Variants in A2ML1 observed in about 807,000 individuals in gnomAD.
The protein encoded by A2ML1 is alpha-2-macroglobulin like 1.
A2ML1 carries 161 observed loss-of-function variants against 181.9 expected under a neutral mutation model. The ratio of observed to expected loss-of-function variants is 0.89; its 90% CI spans 0.78 to 1.01. A2ML1 has a LOEUF of 1.01. Among genes scored for constraint, A2ML1 ranks in the 50% least tolerant of loss-of-function variants. The pLI is 0.00. For synonymous variants in A2ML1, 663 were observed against 666.8 expected (o/e 0.99, Z 0.09); for missense variants, 1,670 against 1,768.1 (o/e 0.94, Z 1.00).
chr12:8,829,651 T>C, intron 3 of A2ML1, 76 bp from the exon 4 acceptor site: 1 of 1,173,054 alleles, frequency 8.5e-7, no homozygotes, highest in South Asian at 1.3e-5. Context: ...TGAGACCCTG[T>C]ATCAAAAAAA....
chr12:8,845,391 G>T lies in A2ML1; in HGVS notation c.1477-51G>T, dbSNP rs766967806. The T allele has an allele frequency of 1.9e-6, 3 of 1,597,570 alleles. No individual in the cohort carries two copies. The African/African-American group carries it at 4.0e-5, about 21-fold the overall frequency. ...GAGATGCTCTGGAAGTTGGTCCAAGGTGAAATTACTGTAACTTCTGTGCAG... is the reference window on the plus strand; with the variant it reads ...GAGATGCTCTGGAAGTTGGTCCAAGTTGAAATTACTGTAACTTCTGTGCAG... On this transcript the variant is annotated intron_variant, in intron 12 of 35. Transcript: ENST00000299698.
chr12:8,859,603 T>TA (rs1168343328), intron 26 of A2ML1, among the ~76,000 whole-genome samples: 15 of 152,218 alleles, frequency 9.9e-5, no homozygotes, highest in African/African-American at 3.6e-4. Context: ...ACAAGAGTCT[T>TA]ACTCTGTTGT....
intron 3 of A2ML1, among the ~76,000 whole-genome samples, chr12:8,827,196 C>G (rs1048871408): frequency 6.6e-6 from 1 of 152,076 alleles, no homozygotes; most frequent in Admixed American, 6.6e-5. Context: ...CCAAATTAGC[C>G]AAGCAAGGTG....
intron 7 of A2ML1, among the ~76,000 whole-genome samples, chr12:8,881,973 T>C (rs946291983): frequency 7.8e-4 from 118 of 151,020 alleles, no homozygotes; most frequent in African/African-American, 2.8e-3. Flanking sequence ...ATTGCGCCAC[T>C]GCACTCCAGC....
intron 18 of A2ML1, 87 bp from the exon 19 acceptor site, chr12:8,851,697 C>A: frequency 7.8e-7 from 1 of 1,275,116 alleles, no homozygotes; most frequent in Non-Finnish European, 1.1e-6. Context: ...TAAGCCAGCA[C>A]ACCCCACCGA....
intron 10 of A2ML1, among the ~76,000 whole-genome samples, chr12:8,839,897 G>T (rs752050848): frequency 1.0e-3 from 157 of 152,104 alleles, no homozygotes; most frequent in South Asian, 2.3e-3. Flanking sequence ...ACAGACATGT[G>T]TCCCCATGCC....
At chr12:8,868,659 G>T in intron 32 of A2ML1, 32 bp downstream of exon 32, 1 of 1,594,880 alleles carries the variant, frequency 6.3e-7, no homozygotes, top group Non-Finnish European at 8.6e-7. Context: ...CATTTATCTA[G>T]CTGTGAGGGG....
Position 8,854,225 on chromosome 12 carries a change from G to T in A2ML1, c.2688G>T (p.Thr896=). 3.1e-6 allele frequency: 5 copies of T among 1,607,570 alleles called. No individual in the cohort carries two copies. Among genetic ancestry groups the T allele is most frequent in the Non-Finnish European group, 4.2e-6 (5 of 1,176,828 alleles). Residue 896 remains threonine (T), a synonymous_variant, in exon 21 of 36, where the codon ACG becomes ACT. Coordinates refer to ENST00000299698, the MANE Select transcript of A2ML1 (RefSeq NM_144670.6). ...TTCCCCAAAAGGGCCGAAGTGACAC[G>T]CTCATCAAGCCAGTTCTCGTCAAAG... ...GFVPQKGRSD[T]LIKPVLVKPE...
intron 33 of A2ML1, among the ~76,000 whole-genome samples, chr12:8,873,253 T>G (rs1261712484): frequency 6.6e-6 from 1 of 151,950 alleles, no homozygotes; most frequent in Non-Finnish European, 1.5e-5. Context: ...TTTTTTTTTT[T>G]TTTTGAGACA....
intron 5 of A2ML1, 36 bp from the exon 6 acceptor site, chr12:8,835,471 C>G (rs373332979): frequency 3.1e-6 from 5 of 1,610,036 alleles, no homozygotes; most frequent in South Asian, 1.1e-5. Context: ...GGGAAGCAAA[C>G]GGGCAGGCAC....
At chr12:8,850,928 A>G (rs1344769123) in intron 18 of A2ML1, among the ~76,000 whole-genome samples, 1 of 152,024 alleles carries the variant, frequency 6.6e-6, no homozygotes, top group Non-Finnish European at 1.5e-5. Context: ...TAGTAGAGGC[A>G]GGGTTTTGCT....
At chr12:8,824,509 C>T (rs1942864513) in intron 3 of A2ML1, among the ~76,000 whole-genome samples, 1 of 151,788 alleles carries the variant, frequency 6.6e-6, no homozygotes, top group South Asian at 2.1e-4. Context: ...TCCAATTATA[C>T]TCTCTTAGTA....
Position 8,863,791 on chromosome 12 carries a change from T to A in A2ML1, c.3503-3T>A, listed in dbSNP as rs748270792. The stretch of plus-strand genomic sequence containing the variant: ...CATCCTAGTTATGTTTCTTTTTCCA[T>A]AGGAGAATCCATTTACTGGAGCCAG... On this transcript the variant is annotated splice_polypyrimidine_tract_variant and splice_region_variant and intron_variant, in intron 28 of 35. Transcript: ENST00000299698. 7 of 1,613,970 alleles carry A rather than the reference T, an allele frequency of 4.3e-6. No homozygotes were observed. Among genetic ancestry groups the A allele is most frequent in the Non-Finnish European group, 5.9e-6 (7 of 1,179,944 alleles).
Position 8,852,438 on chromosome 12 carries a change from TC to T in A2ML1, c.2590+104del. On this transcript the variant is annotated intron_variant, in intron 20 of 35. Coordinates refer to ENST00000299698, the MANE Select transcript of A2ML1 (RefSeq NM_144670.6). This position sits in a 1 kb window ranked among gnomAD's most constrained non-coding sequence, Gnocchi z 4.2. ...CTGCCACATCTGCTTTGCTTCCTCC[TC>T]CATTTTCCACTATTTTTCTCCCTCC... 6.6e-7 allele frequency: 1 copy of T among 1,518,974 alleles called. No homozygotes were observed. Among genetic ancestry groups the T allele is most frequent in the Non-Finnish European group, 8.9e-7 (1 of 1,118,700 alleles). The allele number at this position is 1,518,974 out of a possible 1,614,324, so 94.1% of individuals were successfully genotyped here.
At chr12:8,831,879 A>G (rs1419887243) in intron 4 of A2ML1, among the ~76,000 whole-genome samples, 2 of 151,886 alleles carry the variant, frequency 1.3e-5, no homozygotes, top group African/African-American at 4.8e-5. Context: ...CCTCCCAAGT[A>G]GCTGGGATTA....
At position 8,845,511 on chromosome 12, in the gene A2ML1, A is replaced by G. The variant is rs769388277; in HGVS notation, c.1537+9A>G. ...GAACTCTAAGAAGAAAGGTGAGTGT[A>G]CATGCTTTTCCCGGAAGCAAACAGG... On this transcript the variant is annotated intron_variant, in intron 13 of 35. Coordinates refer to ENST00000299698, the MANE Select transcript of A2ML1 (RefSeq NM_144670.6). 3.1e-6 allele frequency: 5 copies of G among 1,614,078 alleles called. No individual in the cohort carries two copies. In the South Asian group the frequency reaches 5.5e-5, roughly 18 times the overall value.
chr12:8,843,292 A>G lies in A2ML1; in HGVS notation c.1407A>G (p.Glu469=), dbSNP rs961482723. Residue 469 remains glutamate, a synonymous_variant, in exon 12 of 36, where the codon GAA becomes GAG. Transcript: ENST00000299698. The part of the protein sequence containing the change: ...NGPLKCGQPQ[E]VLVDYYIDPA... ...CCTTGAAATGTGGCCAGCCCCAGGA[A>G]GTGCTGGTGGATTATTACATCGACC... The G allele has an allele frequency of 6.2e-7, 1 of 1,614,064 alleles. No individual in the cohort carries two copies. The highest frequency in any genetic ancestry group is 1.3e-5 in the African/African-American group (1 of 74,926).
rs73038703 is a variant in A2ML1, at chr12:8,836,049, G to T, written c.644-206G>T. On this transcript the variant is annotated intron_variant, in intron 6 of 35. Transcript: ENST00000299698. ...AAAAAAAAAAATCAGCAAAGGTGGA[G>T]TAAAATGTACTCTGGGAAAGGATTA... 5.9e-3 allele frequency among the ~76,000 whole-genome samples: 895 copies of T among 151,258 alleles called. 2 individuals are homozygous for T. Among genetic ancestry groups the T allele is most frequent in the Non-Finnish European group, 8.0e-3 (543 of 67,866 alleles).
intron 28 of A2ML1, among the ~76,000 whole-genome samples, 189 bp downstream of exon 28, chr12:8,861,486 CT>C (rs997676363): frequency 2.6e-5 from 4 of 151,928 alleles, no homozygotes; most frequent in Admixed American, 6.6e-5. Flanking sequence ...CATTTTTATA[CT>C]TTTTTTTCTT....
Sources: allele counts gnomAD v4.1 joint callset (sites outside exome capture counted in the v4.1 genomes callset), GRCh38; gene constraint gnomAD v4.1.1; non-coding constraint Gnocchi (gnomAD v3.1); transcripts MANE v1.5; gene names NCBI Gene and HGNC (gene_info 2026-07-23, HGNC 2026-07-21).